The following HTR1F variants were observed in gnomAD, a reference collection of about 807,000 sequenced individuals.
HTR1F encodes 5-hydroxytryptamine (serotonin) receptor 1F, G protein-coupled.
Under a neutral mutation model 24.0 loss-of-function variants are expected in HTR1F, and 17 were observed. The ratio of observed to expected loss-of-function variants is 0.71; its 90% confidence interval spans 0.48 to 1.06. The LOEUF (loss-of-function observed/expected upper bound fraction) is 1.06. HTR1F is among the 50% of genes least tolerant of loss of function. HTR1F has a pLI of 0.00. For missense variants in HTR1F, 391 were observed against 427.8 expected (o/e 0.91, Z 0.76); for synonymous variants, 186 against 156.8 (o/e 1.19, Z -1.39).
In HTR1F at chr3:87,953,516, A is replaced by G. The variant is rs1282481508; in HGVS notation, c.-42-37192A>G. Among the ~76,000 whole-genome samples the G allele has an allele frequency of 3.4e-5, 5 of 145,146 alleles. No homozygotes were observed. In the East Asian group the frequency reaches 8.0e-4, roughly 23 times the overall value. On this transcript the variant is annotated intron_variant, in intron 2 of 2. Coordinates refer to ENST00000319595, the MANE Select transcript of HTR1F (RefSeq NM_001322209.2). ...TCATCTAACCCCAGTTAGAATGGCT[A>G]TTACCAAAAGGACAAAAAAAAAATG...
intron 2 of HTR1F, among the ~76,000 whole-genome samples, chr3:87,962,668 G>T (rs1417870236): frequency 6.6e-6 from 1 of 151,802 alleles, no homozygotes; most frequent in Non-Finnish European, 1.5e-5. Flanking sequence ...TTATACAAAT[G>T]GTATTGATTT....
intron 2 of HTR1F, among the ~76,000 whole-genome samples, chr3:87,944,589 A>T (rs1704649883): frequency 6.6e-6 from 1 of 152,180 alleles, no homozygotes; most frequent in Non-Finnish European, 1.5e-5. Context: ...CCTGTTAGGA[A>T]ATCTGCTGGG....
intron 2 of HTR1F, among the ~76,000 whole-genome samples, chr3:87,902,681 C>A (rs1051251304): frequency 9.3e-5 from 14 of 151,140 alleles, no homozygotes; most frequent in African/African-American, 3.2e-4. Flanking sequence ...ATGTGCCATG[C>A]TGGTGTGCTG....
intron 2 of HTR1F, among the ~76,000 whole-genome samples, chr3:87,931,512 T>G (rs1450914677): frequency 2.0e-5 from 3 of 152,172 alleles, no homozygotes; most frequent in Non-Finnish European, 4.4e-5. Flanking sequence ...TAAACATACG[T>G]GTGCATGTGT....
rs1335962238 is a variant in HTR1F at position 87,939,342 on chromosome 3, TG to T, written c.-42-51365del. Among the ~76,000 whole-genome samples, 3 of 152,228 alleles carry T rather than the reference TG, an allele frequency of 2.0e-5. No individual in the cohort carries two copies. The East Asian group carries it at 5.8e-4, about 29-fold the overall frequency. ...TATTGGCCTGAAATTTTCTGTTTTT[TG>T]TTGTGTCTCTGCCAGGTTTTGATAT... On this transcript the variant is annotated intron_variant, in intron 2 of 2. Coordinates refer to ENST00000319595, the MANE Select transcript of HTR1F (RefSeq NM_001322209.2).
chr3:87,928,999 G>C (rs2107398978), intron 2 of HTR1F, among the ~76,000 whole-genome samples: 2 of 152,302 alleles, frequency 1.3e-5, no homozygotes, highest in Admixed American at 1.3e-4. Flanking sequence ...TAGTGTGTTA[G>C]TTTGGAGAAA....
At chr3:87,902,415 A>G (rs1706345197) in intron 2 of HTR1F, among the ~76,000 whole-genome samples, 1 of 152,082 alleles carries the variant, frequency 6.6e-6, no homozygotes, top group African/African-American at 2.4e-5. Flanking sequence ...AAAAAAGTCA[A>G]TTCCAAGTAG....
intron 2 of HTR1F, among the ~76,000 whole-genome samples, chr3:87,842,628 G>T (rs1258653715): frequency 6.6e-6 from 1 of 151,866 alleles, no homozygotes; most frequent in Non-Finnish European, 1.5e-5. Context: ...TAAAGTCATA[G>T]AAATTATAAT....
At chr3:87,873,713 A>T (rs959982249) in intron 2 of HTR1F, among the ~76,000 whole-genome samples, 8 of 152,236 alleles carry the variant, frequency 5.3e-5, no homozygotes, top group Non-Finnish European at 8.8e-5. Context: ...ACAGCAGATT[A>T]AAAAGATTAT....
At chr3:87,855,880 A>C (rs1331138462) in intron 2 of HTR1F, among the ~76,000 whole-genome samples, 3 of 151,762 alleles carry the variant, frequency 2.0e-5, no homozygotes, top group African/African-American at 7.3e-5. Context: ...TATTAGATTA[A>C]CTCTCGCAGT....
intron 2 of HTR1F, among the ~76,000 whole-genome samples, chr3:87,828,422 A>G (rs1345555674): frequency 7.4e-4 from 112 of 152,248 alleles, no homozygotes; most frequent in Non-Finnish European, 7.3e-5. Flanking sequence ...CCACAACAAC[A>G]GGGAATGGAA....
intron 2 of HTR1F, among the ~76,000 whole-genome samples, chr3:87,945,948 C>T (rs1368914295): frequency 6.6e-6 from 1 of 152,102 alleles, no homozygotes; most frequent in South Asian, 2.1e-4. Flanking sequence ...TGGCAAGCCT[C>T]GGGTTCTCTG....
intron 2 of HTR1F, among the ~76,000 whole-genome samples, chr3:87,882,339 C>G (rs981642909): frequency 1.3e-5 from 2 of 152,158 alleles, no homozygotes; most frequent in Non-Finnish European, 2.9e-5. Context: ...CCATTTGACC[C>G]AGCCATCCCA....
chr3:87,951,193 CTG>C lies in HTR1F; in HGVS notation c.-42-39513_-42-39512del, dbSNP rs531214890. The stretch of plus-strand genomic sequence containing the variant: ...TATACATGATCTCTGTGATTTCAGA[CTG>C]TAAGTTTTTGCATACCATTCTATCA... On this transcript the variant is annotated intron_variant, in intron 2 of 2. Coordinates refer to ENST00000319595, the MANE Select transcript of HTR1F (RefSeq NM_001322209.2). 3.9e-5 allele frequency among the ~76,000 whole-genome samples: 6 copies of C among 152,214 alleles called. No homozygotes were observed. In the East Asian group the frequency reaches 9.6e-4, roughly 24 times the overall value.
intron 1 of HTR1F, among the ~76,000 whole-genome samples, chr3:87,801,302 A>G (rs1703985567): frequency 6.6e-6 from 1 of 152,200 alleles, no homozygotes; most frequent in African/African-American, 2.4e-5. Context: ...CTTATAGTAT[A>G]CCAGTGTAGT....
intron 2 of HTR1F, among the ~76,000 whole-genome samples, chr3:87,952,472 G>A (rs1466702229): frequency 2.0e-5 from 3 of 151,974 alleles, no homozygotes; most frequent in African/African-American, 4.8e-5. Flanking sequence ...ATAAAATGGG[G>A]ATTAAAAATA....
intron 2 of HTR1F, among the ~76,000 whole-genome samples, chr3:87,857,210 AT>A (rs1471396874): frequency 3.3e-5 from 5 of 152,066 alleles, no homozygotes; most frequent in African/African-American, 1.2e-4. Context: ...CTTGACAAAT[AT>A]TTTTATGTTG....
chr3:87,883,302 A>C (rs961189881), intron 2 of HTR1F, among the ~76,000 whole-genome samples: 7 of 152,154 alleles, frequency 4.6e-5, no homozygotes, highest in Non-Finnish European at 1.0e-4. Context: ...ACCCACACTA[A>C]AACCCCATCT....
chr3:87,811,676 G>C (rs1704163536), intron 1 of HTR1F, among the ~76,000 whole-genome samples: 1 of 152,142 alleles, frequency 6.6e-6, no homozygotes, highest in African/African-American at 2.4e-5. Context: ...AATTTCCATA[G>C]TGTAAATATT....
Sources: allele counts gnomAD v4.1 joint callset (sites outside exome capture counted in the v4.1 genomes callset), GRCh38; gene constraint gnomAD v4.1.1; transcripts MANE v1.5; gene names NCBI Gene and HGNC (gene_info 2026-07-23, HGNC 2026-07-21).